The following HEATR1 variants were observed in gnomAD, a reference collection of about 807,000 sequenced individuals.
HEATR1 encodes the protein HEAT repeat-containing protein 1.
In HEATR1, 77 loss-of-function variants were observed where a neutral mutation model predicts 248.2. The ratio of observed to expected loss-of-function variants is 0.31; its 90% CI spans 0.26 to 0.37. The LOEUF (loss-of-function observed/expected upper bound fraction) is 0.37, where lower values mean the gene tolerates loss of function less well. Among genes scored for constraint, HEATR1 ranks in the 10% least tolerant of loss-of-function variants. The pLI is 1.00. For missense variants in HEATR1, 2,420 were observed against 2,504.9 expected, an observed-to-expected ratio of 0.97 and a Z score of 0.72; for synonymous variants, 897 against 923.1, an observed-to-expected ratio of 0.97 and a Z score of 0.51.
rs776394670 is a variant in HEATR1 at position 236,586,368 on chromosome 1, A to G, written c.1800T>C (p.Val600=). 1 of 1,613,070 alleles carries G rather than the reference A, an allele frequency of 6.2e-7. No homozygotes were observed. The highest frequency in any genetic ancestry group is 2.2e-5 in the East Asian group (1 of 44,828). Residue 600 remains valine (V), a synonymous_variant, in exon 15 of 45, where the codon GTT becomes GTC. Transcript: ENST00000366582. The part of the protein sequence containing the change: ...SENDQLSNQV[V]VCLLPFMVIN... ...TAACCATAAATGGCAGCAAACATAC[A>G]ACCACCTGATTTGACAACTGATCAT...
In HEATR1 at chr1:236,603,143, G is replaced by T; in HGVS notation, c.359+17C>A. 6.3e-7 allele frequency: 1 copy of T among 1,582,994 alleles called. No individual in the cohort carries two copies. Among genetic ancestry groups the T allele is most frequent in the Non-Finnish European group, 8.7e-7 (1 of 1,151,974 alleles). Reference sequence around the variant, plus strand: ...AAGTGATTAACCCATAGTTATTTCTGTAATTCTATTAGCTACCTGTGAATC... The same window carrying T: ...AAGTGATTAACCCATAGTTATTTCTTTAATTCTATTAGCTACCTGTGAATC... On this transcript the variant is annotated intron_variant, in intron 3 of 44. Transcript: ENST00000366582.
intron 9 of HEATR1, among the ~76,000 whole-genome samples, chr1:236,593,434 G>A (rs1344781470): frequency 6.6e-6 from 1 of 151,884 alleles, no homozygotes; most frequent in Non-Finnish European, 1.5e-5. Context: ...CCAACACACA[G>A]GCACTCTCTT....
chr1:236,553,521 G>A, intron 43 of HEATR1, 60 bp downstream of exon 43: 3 of 1,525,846 alleles, frequency 2.0e-6, no homozygotes. Context: ...ACCACCTGCA[G>A]GCTGTTTAGG....
chr1:236,574,974 C>T (rs576914060), intron 22 of HEATR1, 71 bp from the exon 23 acceptor site: 1 of 1,424,472 alleles, frequency 7.0e-7, no homozygotes, highest in South Asian at 1.4e-5. Context: ...TACAGAGACA[C>T]TCAAAGCCTG....
chr1:236,568,961 A>C, intron 29 of HEATR1, 35 bp downstream of exon 29: 1 of 1,380,214 alleles, frequency 7.2e-7, no homozygotes, highest in Non-Finnish European at 9.4e-7. Flanking sequence ...TTAAATTAAA[A>C]AAAGAAACCC....
chr1:236,579,435 G>A (rs1377846101), intron 20 of HEATR1, among the ~76,000 whole-genome samples: 2 of 152,208 alleles, frequency 1.3e-5, no homozygotes, highest in South Asian at 2.1e-4. Context: ...ATACCAAATT[G>A]GAAAACAGAA....
chr1:236,561,296 A>G, intron 32 of HEATR1, 25 bp from the exon 33 acceptor site: 1 of 1,584,816 alleles, frequency 6.3e-7, no homozygotes, highest in South Asian at 1.1e-5. Context: ...AGACGTCATT[A>G]GAACGGTAGG....
intron 28 of HEATR1, among the ~76,000 whole-genome samples, chr1:236,569,342 A>AT (rs879533629): frequency 4.7e-4 from 72 of 151,824 alleles, no homozygotes; most frequent in South Asian, 1.5e-3. Context: ...TGCCCAGCTA[A>AT]TTTTTTTTCC....
At chr1:236,587,545 C>T (rs868745299) in intron 13 of HEATR1, 55 bp from the exon 14 acceptor site, 73 of 756,774 alleles carry the variant, frequency 9.6e-5, no homozygotes, top group African/African-American at 6.5e-4. Flanking sequence ...ACATGTATGG[C>T]GCTTTTTAAA....
In HEATR1 at chr1:236,557,352, A is replaced by C. The variant is rs750195143; in HGVS notation, c.5205-7T>G. The C allele has an allele frequency of 6.2e-7, 1 of 1,613,750 alleles. No homozygotes were observed. Among genetic ancestry groups the C allele is most frequent in the Non-Finnish European group, 8.5e-7 (1 of 1,179,766 alleles). Reference sequence around the variant, plus strand: ...CAGCAACGATGGCATCAGGCTAGAAACAAAGTAAGAGCTTTAGAAGAACTT... The same window carrying C: ...CAGCAACGATGGCATCAGGCTAGAACCAAAGTAAGAGCTTTAGAAGAACTT... On this transcript the variant is annotated splice_region_variant and splice_polypyrimidine_tract_variant and intron_variant, in intron 36 of 44. Transcript: ENST00000366582.
intron 34 of HEATR1, among the ~76,000 whole-genome samples, chr1:236,559,383 G>A (rs1663062400): frequency 6.6e-6 from 1 of 152,166 alleles, no homozygotes; most frequent in South Asian, 2.1e-4. Context: ...AGCTAGATTT[G>A]AATCAGCAAT....
chr1:236,600,616 C>T (rs1050120113), intron 3 of HEATR1, among the ~76,000 whole-genome samples: 11 of 151,686 alleles, frequency 7.3e-5, no homozygotes, highest in African/African-American at 1.5e-4. Context: ...CTGCAACCTT[C>T]GCCTCCCAAG....
At chr1:236,574,995 G>A in intron 22 of HEATR1, 92 bp from the exon 23 acceptor site, 1 of 1,278,976 alleles carries the variant, frequency 7.8e-7, no homozygotes, top group Non-Finnish European at 1.1e-6. Context: ...CTGGAAGATG[G>A]GAGTTTAGCC....
intron 20 of HEATR1, among the ~76,000 whole-genome samples, chr1:236,579,029 T>C (rs990909078): frequency 1.3e-5 from 2 of 152,218 alleles, no homozygotes; most frequent in Non-Finnish European, 2.9e-5. Flanking sequence ...CCATTATACT[T>C]TCCATTTCTG....
At chr1:236,552,167 G>A in intron 43 of HEATR1, 60 bp from the exon 44 acceptor site, 1 of 1,118,228 alleles carries the variant, frequency 8.9e-7, no homozygotes, top group Admixed American at 1.8e-5. Flanking sequence ...ATTATCTTAA[G>A]AGCTGTACTG....
intron 2 of HEATR1, 35 bp downstream of exon 2, chr1:236,603,919 T>G (rs1664396823): frequency 6.3e-7 from 1 of 1,577,014 alleles, no homozygotes; most frequent in Non-Finnish European, 8.6e-7. Flanking sequence ...AAACAAACGC[T>G]TCCAAGAGCT....
chr1:236,551,048 T>G (rs1662716093), intron 44 of HEATR1, 58 bp from the exon 45 acceptor site: 1 of 1,326,296 alleles, frequency 7.5e-7, no homozygotes, highest in Admixed American at 2.1e-5. Flanking sequence ...CTGCCTCGGT[T>G]CTCATTAGTT....
intron 23 of HEATR1, 110 bp from the exon 24 acceptor site, chr1:236,574,443 T>A: frequency 7.3e-7 from 1 of 1,375,058 alleles, no homozygotes; most frequent in Non-Finnish European, 9.9e-7. Flanking sequence ...CACTTAATTT[T>A]GTCAGTTAAA....
intron 16 of HEATR1, 120 bp from the exon 17 acceptor site, chr1:236,585,336 G>A (rs1006454): frequency 0.58 from 430,539 of 738,016 alleles, 131,026 homozygotes; most frequent in Non-Finnish European, 0.63. Context: ...CAAACAGAAA[G>A]CCTTTATAAA....
Sources: gnomAD v4.1 joint callset for allele counts (sites outside exome capture counted in the v4.1 genomes callset) on GRCh38, gnomAD v4.1.1 for gene constraint, MANE v1.5 for transcripts, NCBI Gene and HGNC (gene_info 2026-07-23, HGNC 2026-07-21) for gene names.